The following NLRP1 variants were observed in gnomAD, a reference collection of about 807,000 sequenced individuals.
The protein encoded by NLRP1 is NLR family pyrin domain containing 1.
In NLRP1, 94 loss-of-function variants were observed where a neutral mutation model predicts 136.7. The observed-to-expected ratio is 0.69, with a 90% CI of 0.58 to 0.82. The LOEUF (loss-of-function observed/expected upper bound fraction) is 0.82. Among genes scored for constraint, NLRP1 ranks in the 40% least tolerant of loss-of-function variants. The pLI, the probability that NLRP1 is intolerant of heterozygous loss-of-function variation, is 0.00. For missense variants in NLRP1, 1,575 were observed against 1,802.7 expected (o/e 0.87, Z 2.29); for synonymous variants, 690 against 725.1 (o/e 0.95, Z 0.78).
chr17:5,525,980 T>A (rs1445862647), intron 12 of NLRP1, among the ~76,000 whole-genome samples: 4 of 10,832 alleles, frequency 3.7e-4, no homozygotes, highest in Non-Finnish European at 5.5e-4. Flanking sequence ...AGCTACTAAA[T>A]TTTTTTTTTT....
At chr17:5,508,506 C>CAA (rs1907471083) in intron 15 of NLRP1, among the ~76,000 whole-genome samples, 2 of 28,664 alleles carry the variant, frequency 7.0e-5, no homozygotes, top group East Asian at 0.091. Flanking sequence ...CCCTTTGATA[C>CAA]TATCCCTTAG....
At chr17:5,576,243 A>C (rs190854783) in intron 3 of NLRP1, among the ~76,000 whole-genome samples, 2 of 152,234 alleles carry the variant, frequency 1.3e-5, no homozygotes, top group African/African-American at 4.8e-5. Flanking sequence ...AACACATTCA[A>C]AAGCTAGCAG....
chr17:5,511,409 C>G (rs889831471), downstream of NLRP1, among the ~76,000 whole-genome samples: 2 of 146,928 alleles, frequency 1.4e-5, no homozygotes, highest in Non-Finnish European at 1.5e-5. Context: ...CCACTGCACT[C>G]CAGCCTGGGC....
downstream of NLRP1, chr17:5,512,267 T>C: frequency 6.5e-7 from 1 of 1,536,672 alleles, no homozygotes; most frequent in Non-Finnish European, 9.0e-7. Flanking sequence ...GGACAAGATC[T>C]AGACAGGTGC....
chr17:5,538,118 T>C (rs903969776), intron 7 of NLRP1, among the ~76,000 whole-genome samples: 1 of 152,216 alleles, frequency 6.6e-6, no homozygotes, highest in Non-Finnish European at 1.5e-5. Flanking sequence ...GAGAAGGCTC[T>C]GGATGTGGGG....
intron 5 of NLRP1, among the ~76,000 whole-genome samples, chr17:5,543,596 T>C (rs760967124): frequency 6.6e-6 from 1 of 151,390 alleles, no homozygotes. Context: ...AGGGAGGTTG[T>C]AGTGAGCTGA....
chr17:5,584,035 G>A lies in NLRP1; in HGVS notation c.-78C>T. On this transcript the variant is annotated 5_prime_UTR_variant, in exon 1 of 17. Coordinates refer to ENST00000572272, the MANE Select transcript of NLRP1 (RefSeq NM_033004.4). Reference sequence around the variant, plus strand: ...TATCAGGCAGGCAGAGAACAGTGCTGTCCTTTGCCTTGGCTCTTACCGTCT... The same window carrying A: ...TATCAGGCAGGCAGAGAACAGTGCTATCCTTTGCCTTGGCTCTTACCGTCT... The A allele has an allele frequency of 1.4e-6, 2 of 1,403,054 alleles. No homozygotes were observed. The highest frequency in any genetic ancestry group is 4.7e-5 in the East Asian group (2 of 42,124). 86.9% of individuals were successfully genotyped at this position (1,403,054 alleles called of 1,614,324 possible).
At chr17:5,560,491 T>A (rs534739799) in intron 3 of NLRP1, among the ~76,000 whole-genome samples, 37 of 152,300 alleles carry the variant, frequency 2.4e-4, no homozygotes, top group Admixed American at 2.1e-3. Context: ...CCCAAGCACC[T>A]GCTATTGCAG....
chr17:5,565,720 C>T (rs929637177), intron 3 of NLRP1, among the ~76,000 whole-genome samples: 1 of 152,124 alleles, frequency 6.6e-6, no homozygotes, highest in African/African-American at 2.4e-5. Flanking sequence ...AGTCCTTCCT[C>T]CTCTATTTTT....
intron 3 of NLRP1, among the ~76,000 whole-genome samples, chr17:5,580,903 T>C (rs1427402618): frequency 6.6e-6 from 1 of 152,270 alleles, no homozygotes; most frequent in East Asian, 1.9e-4. Context: ...GATCTTTCCT[T>C]ATATACCCTA....
At chr17:5,510,070 CTTCT>C (rs1907547040), downstream of NLRP1, among the ~76,000 whole-genome samples, 1 of 148,528 alleles carries the variant, frequency 6.7e-6, no homozygotes, top group African/African-American at 2.6e-5. Flanking sequence ...TATTCTTCTT[CTTCT>C]TTTTTTTTTT....
At chr17:5,522,165 G>T (rs1048813901) in intron 12 of NLRP1, among the ~76,000 whole-genome samples, 1 of 152,232 alleles carries the variant, frequency 6.6e-6, no homozygotes, top group Non-Finnish European at 1.5e-5. Context: ...GTCAGGATTT[G>T]CTGGCACTGT....
rs199679448 is a variant in NLRP1 at position 5,560,074 on chromosome 17, A to G, written c.653-31T>C. 1.4e-5 allele frequency: 21 copies of G among 1,513,720 alleles called. No homozygotes were observed. The Admixed American group carries it at 2.1e-4, about 15-fold the overall frequency. 93.8% of individuals were successfully genotyped at this position (1,513,720 alleles called of 1,614,324 possible). On this transcript the variant is annotated intron_variant, in intron 3 of 16. Coordinates refer to ENST00000572272, the MANE Select transcript of NLRP1 (RefSeq NM_033004.4). ...TAAGGGAGGGAAAGAAGGAACATAA[A>G]GGTAGAGAATAGAAGAATTAATTAA... is the stretch of plus-strand genomic sequence containing the variant.
intron 7 of NLRP1, among the ~76,000 whole-genome samples, chr17:5,538,432 T>C (rs2151768751): frequency 6.6e-6 from 1 of 152,268 alleles, no homozygotes; most frequent in East Asian, 1.9e-4. Flanking sequence ...TCTCCCCAAC[T>C]TGGCCTGGGT....
At chr17:5,545,453 GACACACATACAGACACACACACAGAC>G (rs1398651322) in intron 5 of NLRP1, among the ~76,000 whole-genome samples, 1 of 123,382 alleles carries the variant, frequency 8.1e-6, no homozygotes, top group African/African-American at 4.3e-5. Context: ...TTGACACACA[GACACACATACAGACACACACACAGAC>G]ACACACACAC....
Position 5,514,795 on chromosome 17 carries a change from C to T in NLRP1, c.4381G>A (p.Glu1461Lys). 6.2e-7 allele frequency: 1 copy of T among 1,614,120 alleles called. No homozygotes were observed. Among genetic ancestry groups the T allele is most frequent in the East Asian group, 2.2e-5 (1 of 44,864 alleles). Residue 1461 changes from glutamate to lysine, a missense_variant, in exon 17 of 17, where the codon GAG becomes AAG. By Grantham distance (56) the Glu-to-Lys change is moderately conservative. Coordinates refer to ENST00000572272, the MANE Select transcript of NLRP1 (RefSeq NM_033004.4). ...THPHLIMELW[E>K]KGSKKGLLPL... ...AGGAGTCCCTTTTTGCTGCCCTTCT[C>T]CCAGAGTTCCATAATGAGGTGAGGA...
Position 5,582,941 on chromosome 17 carries a change from G to A in NLRP1, c.272-95C>T, listed in dbSNP as rs897062812. 8 of 974,146 alleles carry A rather than the reference G, an allele frequency of 8.2e-6. No homozygotes were observed. The African/African-American group carries it at 9.9e-5, about 12-fold the overall frequency. 60.3% of individuals were successfully genotyped at this position (974,146 alleles called of 1,614,324 possible). A position where few individuals can be genotyped will look rare whatever the true frequency, so the allele number is the denominator to read the frequency against. The stretch of plus-strand genomic sequence containing the variant: ...TGGTCTCCTCTCTCAACCAAGAGAG[G>A]TCAGGATACACCAGTGAACCCGCTG... On this transcript the variant is annotated intron_variant, in intron 1 of 16. Coordinates refer to ENST00000572272, the MANE Select transcript of NLRP1 (RefSeq NM_033004.4).
At position 5,561,620 on chromosome 17, in the gene NLRP1, T is replaced by C. The variant is rs1390044313; in HGVS notation, c.653-1577A>G. ...CACCGCGCCCGGCTAATTTTTTGTA[T>C]TTTTAGTAGAGACGGGGTTTCACCT... is the stretch of plus-strand genomic sequence containing the variant. On this transcript the variant is annotated intron_variant, in intron 3 of 16. Coordinates refer to ENST00000572272, the MANE Select transcript of NLRP1 (RefSeq NM_033004.4). Among the ~76,000 whole-genome samples the C allele has an allele frequency of 3.1e-5, 3 of 97,922 alleles. 1 individual carries two copies. The highest frequency in any genetic ancestry group is 1.2e-4 in the African/African-American group (3 of 24,858). The allele number at this position is 97,922 out of a possible 152,430, so 64.2% of individuals were successfully genotyped here. A position where few individuals can be genotyped will look rare whatever the true frequency, so the allele number is the denominator to read the frequency against.
intron 3 of NLRP1, among the ~76,000 whole-genome samples, chr17:5,573,929 C>T (rs917074663): frequency 1.2e-4 from 19 of 152,208 alleles, no homozygotes; most frequent in South Asian, 2.1e-4. Context: ...CATAGCTCCT[C>T]GCCAGCAATG....
Sources: gnomAD v4.1 joint callset for allele counts (sites outside exome capture counted in the v4.1 genomes callset) on GRCh38, gnomAD v4.1.1 for gene constraint, MANE v1.5 for transcripts, NCBI Gene and HGNC (gene_info 2026-07-23, HGNC 2026-07-21) for gene names.